Variants in EP400 observed in about 807,000 individuals in gnomAD.
EP400 encodes the protein E1A binding protein p400.
Under a neutral mutation model 354.1 loss-of-function variants are expected in EP400, and 105 were observed. That is an observed-to-expected ratio of 0.30 (90% confidence interval 0.25 to 0.35). EP400 has a LOEUF of 0.35. EP400 is among the 10% of genes least tolerant of loss of function. EP400 has a pLI of 1.00. For missense variants in EP400, 3,280 were observed against 4,121.0 expected (o/e 0.80, Z 5.59); for synonymous variants, 1,646 against 1,716.9 (o/e 0.96, Z 1.02).
intron 12 of EP400, among the ~76,000 whole-genome samples, chr12:132,003,163 T>G (rs1350590506): frequency 1.4e-5 from 2 of 144,632 alleles, no homozygotes; most frequent in African/African-American, 5.1e-5. Flanking sequence ...CTGGGCAACA[T>G]AGCAAGACCC....
chr12:132,045,347 C>G lies in EP400; in HGVS notation c.6813C>G (p.His2271Gln), dbSNP rs201537201. The change falls in exon 38 of 53, where the codon CAC becomes CAG. Residue 2271 changes from histidine (H) to glutamine (Q), a missense_variant. Physicochemically the swap from His to Gln is conservative, Grantham distance 24 (BLOSUM62 0). This residue lies in a region of EP400 where 231 missense variants were observed against 257.9 expected (regional missense o/e 0.90). Transcript: ENST00000389561. ...SAAGRKKKQR[H>Q]GEAVVPPRSL... ...CAGGCAGGAAGAAGAAGCAGCGTCA[C>G]GGGGAGGCGGTCGTCCCTCCTCGGT... is the stretch of plus-strand genomic sequence containing the variant. 6.2e-6 allele frequency: 10 copies of G among 1,614,118 alleles called. No individual in the cohort carries two copies. Among genetic ancestry groups the G allele is most frequent in the Non-Finnish European group, 6.8e-6 (8 of 1,180,050 alleles).
rs144828730 is a variant in EP400, at chr12:132,003,544, A to G, written c.2828-1533A>G. ...CGATTTCATTTTCTAACTCATTTCC[A>G]TATGTGGAGGCTGATTTCTGTGTAT... On this transcript the variant is annotated intron_variant, in intron 12 of 52. Coordinates refer to ENST00000389561, the MANE Select transcript of EP400 (RefSeq NM_015409.5). Among the ~76,000 whole-genome samples the G allele has an allele frequency of 1.5e-4, 23 of 152,096 alleles. No individual in the cohort carries two copies. The East Asian group carries it at 3.5e-3, about 23-fold the overall frequency.
At chr12:132,072,118 C>G (rs533625756) in intron 51 of EP400, among the ~76,000 whole-genome samples, 13 of 152,182 alleles carry the variant, frequency 8.5e-5, no homozygotes, top group Non-Finnish European at 1.9e-4. Context: ...TTCGTGCGCT[C>G]TGCCTGCCTT....
At chr12:131,969,180 A>C (rs932831289) in intron 2 of EP400, among the ~76,000 whole-genome samples, 2 of 152,134 alleles carry the variant, frequency 1.3e-5, no homozygotes, top group Admixed American at 6.5e-5. Context: ...CAAGGTAATA[A>C]AATTCCCTTT....
chr12:132,044,055 G>C, intron 34 of EP400, 122 bp from the exon 35 acceptor site: 1 of 1,374,344 alleles, frequency 7.3e-7, no homozygotes, highest in Non-Finnish European at 1.0e-6. Flanking sequence ...GTGATGCATT[G>C]TGGAGCAGTG....
rs199726373 is a variant in EP400, at chr12:132,050,661, T to A, written c.7394+6T>A. The A allele has an allele frequency of 8.6e-4, 1,396 of 1,614,230 alleles. 17 individuals are homozygous for A. In the South Asian group the frequency reaches 0.014, roughly 17 times the overall value. On this transcript the variant is annotated splice_donor_region_variant and intron_variant, in intron 41 of 52. Transcript: ENST00000389561. This position sits in a 1 kb window ranked among gnomAD's most constrained non-coding sequence, Gnocchi z 4.8. ...GCGTCTGTGTTGGCAGAAAGGTATT[T>A]CTCTATTCGTGACACATTTGTTACT...
At chr12:132,069,742 G>A (rs947784148) in intron 51 of EP400, 101 bp downstream of exon 51, 4 of 1,522,924 alleles carry the variant, frequency 2.6e-6, no homozygotes, top group South Asian at 1.2e-5. Flanking sequence ...CCTTGCGGCT[G>A]CACTGGGTGG....
chr12:132,062,351 C>T (rs1358785208), intron 46 of EP400, 28 bp downstream of exon 46: 2 of 1,613,370 alleles, frequency 1.2e-6, no homozygotes, highest in Admixed American at 1.7e-5. Context: ...GCTTTCTCTG[C>T]CACACGTCTG....
intron 50 of EP400, chr12:132,068,866 A>T (rs1895982985): frequency 6.6e-6 from 1 of 152,520 alleles, no homozygotes; most frequent in African/African-American, 2.4e-5. Flanking sequence ...GGCCATGCTG[A>T]TGCACAGGTG....
intron 12 of EP400, among the ~76,000 whole-genome samples, chr12:131,999,906 T>C (rs1006888723): frequency 1.3e-5 from 2 of 152,090 alleles, no homozygotes; most frequent in Non-Finnish European, 2.9e-5. Context: ...TTTGTATGTA[T>C]GTCCCTTCTT....
At chr12:131,959,186 T>C (rs544810924) in intron 1 of EP400, among the ~76,000 whole-genome samples, 13 of 152,214 alleles carry the variant, frequency 8.5e-5, no homozygotes, top group African/African-American at 2.6e-4. Flanking sequence ...GAATGAGATT[T>C]TTGCTCCTTT....
At chr12:132,060,383 G>A (rs1041070332) in intron 45 of EP400, among the ~76,000 whole-genome samples, 4 of 152,182 alleles carry the variant, frequency 2.6e-5, no homozygotes, top group Non-Finnish European at 5.9e-5. Context: ...TAATGACACT[G>A]ATGCGTATAT....
chr12:131,989,624 A>G (rs1481657056), intron 7 of EP400, among the ~76,000 whole-genome samples: 2 of 152,262 alleles, frequency 1.3e-5, no homozygotes, highest in Non-Finnish European at 2.9e-5. Context: ...CATTCATGAA[A>G]TGAGATGCCG....
chr12:132,041,854 T>C (rs1261323469), intron 32 of EP400, among the ~76,000 whole-genome samples: 5 of 152,188 alleles, frequency 3.3e-5, no homozygotes, highest in African/African-American at 1.2e-4. Flanking sequence ...TGAGTGCCTC[T>C]TCATATATTT....
intron 2 of EP400, among the ~76,000 whole-genome samples, chr12:131,972,067 A>T (rs1892302558): frequency 6.6e-6 from 1 of 152,198 alleles, no homozygotes; most frequent in African/African-American, 2.4e-5. Flanking sequence ...TGGATGTCTA[A>T]GAAAATAGAA....
At position 132,037,675 on chromosome 12, in the gene EP400, T is replaced by C. The variant is rs771693481; in HGVS notation, c.5952-7T>C. ...CTGACTTAGCATCTTACATCTTTTGTTTGCAGGCTTGTGAGTGGCAATTCC... is the reference window on the plus strand; with the variant it reads ...CTGACTTAGCATCTTACATCTTTTGCTTGCAGGCTTGTGAGTGGCAATTCC... On this transcript the variant is annotated splice_region_variant and splice_polypyrimidine_tract_variant and intron_variant, in intron 30 of 52. Transcript: ENST00000389561. 6.2e-7 allele frequency: 1 copy of C among 1,613,002 alleles called. No homozygotes were observed. The highest frequency in any genetic ancestry group is 2.2e-5 in the East Asian group (1 of 44,892).
In EP400 at chr12:132,052,263, C is replaced by T. The variant is rs1895317203; in HGVS notation, c.7395-883C>T. On this transcript the variant is annotated intron_variant, in intron 41 of 52. Transcript: ENST00000389561. This position sits in a 1 kb window ranked among gnomAD's most constrained non-coding sequence, Gnocchi z 4.4. The stretch of plus-strand genomic sequence containing the variant: ...TGGCTTGCCGCCCACAGTTGTCACA[C>T]AGTGGCGGATTTGGGAGGCTTCCTC... Among the ~76,000 whole-genome samples, 1 of 152,206 alleles carries T rather than the reference C, an allele frequency of 6.6e-6. No homozygotes were observed. Among genetic ancestry groups the T allele is most frequent in the Non-Finnish European group, 1.5e-5 (1 of 68,026 alleles).
Position 132,062,578 on chromosome 12 carries a change from G to GCAGCAGCAA in EP400, c.8219_8220insACAGCAGCA (p.Gln2746_Gln2748dup). The GCAGCAGCAA allele has an allele frequency of 1.2e-6, 2 of 1,609,646 alleles. No homozygotes were observed. The highest frequency in any genetic ancestry group is 1.7e-4 in the Middle Eastern group (1 of 6,048). On this transcript the variant is annotated inframe_insertion, in exon 47 of 53. Coordinates refer to ENST00000389561, the MANE Select transcript of EP400 (RefSeq NM_015409.5). The stretch of plus-strand genomic sequence containing the variant: ...AGCAGCAGCAGCAGCAGCAGCAGCA[G>GCAGCAGCAA]CAGCAGCAGCAGCAACAGCAGCAGC...
At chr12:132,014,060 G>GA in intron 19 of EP400, 147 bp downstream of exon 19, 1 of 1,077,048 alleles carries the variant, frequency 9.3e-7, no homozygotes, top group Non-Finnish European at 1.3e-6. Context: ...GGGGGCAGCA[G>GA]GCTCTGCAGC....
Sources: allele counts gnomAD v4.1 joint callset (sites outside exome capture counted in the v4.1 genomes callset), GRCh38; gene constraint gnomAD v4.1.1; regional missense constraint gnomAD v4.1.1; non-coding constraint Gnocchi (gnomAD v3.1); transcripts MANE v1.5; gene names NCBI Gene and HGNC (gene_info 2026-07-23, HGNC 2026-07-21).